Variants in AKAP12 observed in about 807,000 individuals in gnomAD.
AKAP12 encodes the protein A-kinase anchor protein 12.
Under a neutral mutation model 79.9 loss-of-function variants are expected in AKAP12, and 32 were observed. That is an observed-to-expected ratio of 0.40 (90% CI 0.30 to 0.54). AKAP12 has a LOEUF of 0.54. Ranked by LOEUF, AKAP12 falls within the 20% of genes least tolerant of loss-of-function variation. AKAP12 has a pLI of 0.48. For missense variants in AKAP12, 2,074 were observed against 2,177.0 expected, an observed-to-expected ratio of 0.95 and a Z score of 0.94; for synonymous variants, 808 against 857.0, an observed-to-expected ratio of 0.94 and a Z score of 1.00.
At chr6:151,281,206 G>A (rs1437599648) in intron 2 of AKAP12, among the ~76,000 whole-genome samples, 3 of 152,174 alleles carry the variant, frequency 2.0e-5, no homozygotes, top group Non-Finnish European at 2.9e-5. Context: ...TAACTTGCGA[G>A]CCTCCCTCTA....
At position 151,351,906 on chromosome 6, in the gene AKAP12, A is replaced by G; in HGVS notation, c.3515A>G (p.Asp1172Gly). 1 of 1,614,120 alleles carries G rather than the reference A, an allele frequency of 6.2e-7. No homozygotes were observed. The highest frequency in any genetic ancestry group is 1.6e-4 in the Middle Eastern group (1 of 6,062). Residue 1172 changes from aspartate to glycine, a missense_variant, in exon 4 of 5, where the codon GAT (aspartate) becomes GGT (glycine). This residue lies in a region of AKAP12 where 32 missense variants were observed against 60.4 expected (regional missense o/e 0.53). Transcript: ENST00000402676. The surrounding 1 kb of genome is among the most constrained non-coding windows in gnomAD (Gnocchi z 4.4). ...GAAACCCCTACAGACAGTGAGACTG[A>G]TGGAAGCACCCCCGTAGCCGACTTT... ...SVETPTDSETDGSTPVADFDA... is the reference protein window; with the variant it reads ...SVETPTDSETGGSTPVADFDA...
rs367787663 is a variant in AKAP12, at chr6:151,351,629, C to G, written c.3238C>G (p.Gln1080Glu). 2.5e-6 allele frequency: 4 copies of G among 1,614,120 alleles called. No homozygotes were observed. In the African/African-American group the frequency reaches 4.0e-5, roughly 16 times the overall value. ...AGCAGAGGCAGAAAGACCAGAAGAG[C>G]AGGCTGAAGCGTCGGGTCTGAAGAA... Reference protein sequence around the residue: ...QRAEAERPEEQAEASGLKKET... With the variant: ...QRAEAERPEEEAEASGLKKET... The change falls in exon 4 of 5, where the codon CAG becomes GAG. Residue 1080 changes from glutamine (Q) to glutamate (E), a missense_variant. Gln to Glu is a conservative substitution (Grantham distance 29). Transcript: ENST00000402676. The surrounding 1 kb of genome is among the most constrained non-coding windows in gnomAD (Gnocchi z 4.4).
At position 151,350,819 on chromosome 6, in the gene AKAP12, T is replaced by C; in HGVS notation, c.2428T>C (p.Phe810Leu). The change falls in exon 4 of 5, where the codon TTT (phenylalanine) becomes CTT (leucine). Residue 810 changes from phenylalanine to leucine, a missense_variant. Physicochemically the swap from Phe to Leu is conservative, Grantham distance 22. Transcript: ENST00000402676. The surrounding 1 kb of genome is among the most constrained non-coding windows in gnomAD (Gnocchi z 4.8). The stretch of plus-strand genomic sequence containing the variant: ...AGAATCCTGGGTCTCAATCAAGAAG[T>C]TTATTCCTGGACGAAGGAAGAAAAG... ...KEESWVSIKK[F>L]IPGRRKKRPD... 6.2e-7 allele frequency: 1 copy of C among 1,613,822 alleles called. No individual in the cohort carries two copies. The highest frequency in any genetic ancestry group is 8.5e-7 in the Non-Finnish European group (1 of 1,179,908).
At chr6:151,324,843 A>G (rs1056685701) in intron 3 of AKAP12, 14 of 985,462 alleles carry the variant, frequency 1.4e-5, no homozygotes, top group South Asian at 1.4e-4. Flanking sequence ...TGAAGCTTCA[A>G]TGAGAAAGAA....
At chr6:151,294,402 A>G (rs1426945123) in intron 2 of AKAP12, among the ~76,000 whole-genome samples, 1 of 152,214 alleles carries the variant, frequency 6.6e-6, no homozygotes, top group Non-Finnish European at 1.5e-5. Context: ...GGGATGCCCC[A>G]TGTCCTGTAA....
rs1243532328 is a variant in AKAP12, at chr6:151,252,357, G to A, written c.162+11633G>A. On this transcript the variant is annotated intron_variant, in intron 2 of 4. Coordinates refer to ENST00000402676, the MANE Select transcript of AKAP12 (RefSeq NM_005100.4). Reference sequence around the variant, plus strand: ...ACTACAGGTGCAGGCCACCATGCCTGGCTAATTTTTCTATTTTTAGTAAAG... The same window carrying A: ...ACTACAGGTGCAGGCCACCATGCCTAGCTAATTTTTCTATTTTTAGTAAAG... Among the ~76,000 whole-genome samples the A allele has an allele frequency of 3.9e-5, 6 of 152,092 alleles. No individual in the cohort carries two copies. In the South Asian group the frequency reaches 1.3e-3, roughly 32 times the overall value.
At chr6:151,301,060 G>A (rs541247519) in intron 2 of AKAP12, among the ~76,000 whole-genome samples, 1 of 152,146 alleles carries the variant, frequency 6.6e-6, no homozygotes, top group African/African-American at 2.4e-5. Context: ...TTCTTGTTTG[G>A]TAACAGTTAA....
At chr6:151,282,386 A>G (rs1232748633) in intron 2 of AKAP12, among the ~76,000 whole-genome samples, 2 of 152,140 alleles carry the variant, frequency 1.3e-5, no homozygotes, top group Non-Finnish European at 2.9e-5. Context: ...CTGGGATTAC[A>G]GGTGTGAGCC....
intron 2 of AKAP12, among the ~76,000 whole-genome samples, chr6:151,270,284 G>C (rs925898783): frequency 6.6e-6 from 1 of 152,086 alleles, no homozygotes; most frequent in African/African-American, 2.4e-5. Flanking sequence ...TCTTGAACTC[G>C]CAACCTCAGG....
chr6:151,242,112 G>A (rs1796990532), intron 2 of AKAP12, among the ~76,000 whole-genome samples: 2 of 152,190 alleles, frequency 1.3e-5, no homozygotes, highest in South Asian at 4.1e-4. Context: ...TGCACATAAT[G>A]TTTTGATGCC....
chr6:151,244,321 C>G lies in AKAP12; in HGVS notation c.162+3597C>G, dbSNP rs78797406. On this transcript the variant is annotated intron_variant, in intron 2 of 4. Transcript: ENST00000402676. The stretch of plus-strand genomic sequence containing the variant: ...AGGCAGATCACAAAGTCAGGAGATC[C>G]AGACCATCCTGGCTAACACGGTGAA... Among the ~76,000 whole-genome samples, 693 of 152,242 alleles carry G rather than the reference C, an allele frequency of 4.6e-3. 11 individuals carry two copies. The highest frequency in any genetic ancestry group is 0.031 in the East Asian group (162 of 5,172).
chr6:151,351,380 G>C lies in AKAP12; in HGVS notation c.2989G>C (p.Glu997Gln), dbSNP rs532933985. The C allele has an allele frequency of 1.2e-6, 2 of 1,614,248 alleles. No individual in the cohort carries two copies. Among genetic ancestry groups the C allele is most frequent in the South Asian group, 1.1e-5 (1 of 91,090 alleles). ...AGAAGGAACCGAAGCATCTGCTGCT[G>C]AAGAGACCACAGAAATGGTGTCAGC... ...AEEGTEASAA[E>Q]ETTEMVSAVS... The change falls in exon 4 of 5, where the codon GAA (glutamate) becomes CAA (glutamine). Residue 997 changes from glutamate (E) to glutamine (Q), a missense_variant. This residue lies in a region of AKAP12 where 1,428 missense variants were observed against 1,451.0 expected (regional missense o/e 0.98). Coordinates refer to ENST00000402676, the MANE Select transcript of AKAP12 (RefSeq NM_005100.4). The surrounding 1 kb of genome is among the most constrained non-coding windows in gnomAD (Gnocchi z 4.4).
intron 3 of AKAP12, among the ~76,000 whole-genome samples, chr6:151,306,983 G>A (rs992959230): frequency 2.0e-4 from 31 of 152,190 alleles, no homozygotes; most frequent in African/African-American, 6.8e-4. Context: ...CAACATGTGA[G>A]CTTACTATGA....
chr6:151,257,399 C>A (rs1040315437), intron 2 of AKAP12, among the ~76,000 whole-genome samples: 1 of 152,072 alleles, frequency 6.6e-6, no homozygotes, highest in Non-Finnish European at 1.5e-5. Flanking sequence ...CAGGTTCAAG[C>A]GATTCTCCTG....
intron 2 of AKAP12, among the ~76,000 whole-genome samples, chr6:151,254,907 G>C (rs991789759): frequency 2.0e-5 from 3 of 152,166 alleles, no homozygotes; most frequent in African/African-American, 7.2e-5. Context: ...AAGTATTCAG[G>C]GAAGTAGGTC....
intron 3 of AKAP12, among the ~76,000 whole-genome samples, chr6:151,330,807 G>A (rs887225046): frequency 6.6e-6 from 1 of 151,872 alleles, no homozygotes; most frequent in Non-Finnish European, 1.5e-5. Context: ...TTGGAAAAGT[G>A]AGAAAAAAAA....
At chr6:151,326,829 G>GT (rs1157187601) in intron 3 of AKAP12, among the ~76,000 whole-genome samples, 1 of 151,210 alleles carries the variant, frequency 6.6e-6, no homozygotes, top group South Asian at 2.1e-4. Context: ...TTTTTTGTTT[G>GT]TTTTTTGAGA....
At chr6:151,338,680 A>G (rs1777875772) in intron 3 of AKAP12, among the ~76,000 whole-genome samples, 2 of 151,714 alleles carry the variant, frequency 1.3e-5, no homozygotes, top group South Asian at 4.2e-4. Context: ...CGAACTCCTG[A>G]CTCCAGGTGA....
chr6:151,261,209 G>A (rs1047896944), intron 2 of AKAP12, among the ~76,000 whole-genome samples: 35 of 151,920 alleles, frequency 2.3e-4, no homozygotes, highest in African/African-American at 6.5e-4. Context: ...TTAACATGGC[G>A]AAACCCCATC....
Sources: gnomAD v4.1 joint callset for allele counts (sites outside exome capture counted in the v4.1 genomes callset) on GRCh38, gnomAD v4.1.1 for gene constraint, gnomAD v4.1.1 regional missense constraint, Gnocchi (gnomAD v3.1) non-coding constraint, MANE v1.5 for transcripts, NCBI Gene and HGNC (gene_info 2026-07-23, HGNC 2026-07-21) for gene names.